Variants in VKORC1 observed in about 807,000 individuals in gnomAD.
VKORC1 encodes phylloquinone epoxide reductase.
VKORC1 carries 12 observed loss-of-function variants against 14.8 expected under a neutral mutation model. That is an observed-to-expected ratio of 0.81 (90% confidence interval 0.52 to 1.31). VKORC1 has a LOEUF of 1.31. Ranked by LOEUF, VKORC1 falls within the 50% of genes most tolerant of loss-of-function variation. The pLI, the probability that VKORC1 is intolerant of heterozygous loss-of-function variation, is 0.00. For missense variants in VKORC1, 223 were observed against 215.3 expected (o/e 1.04, Z -0.22); for synonymous variants, 94 against 92.5 (o/e 1.02, Z -0.09).
intron 2 of VKORC1, among the ~76,000 whole-genome samples, chr16:31,092,256 T>G (rs1433476253): frequency 6.7e-6 from 1 of 148,464 alleles, no homozygotes; most frequent in African/African-American, 2.5e-5. Flanking sequence ...GGAGGATCGC[T>G]TGAGCCAGGT....
At position 31,091,886 on chromosome 16, in the gene VKORC1, C is replaced by CA. The variant is rs200164143; in HGVS notation, c.284-545dup. ...GGGCAGCAAGAGCAAGACTTCGTCT[C>CA]AAAAAAAAAATGCCCGGTGAGGTTG... On this transcript the variant is annotated intron_variant, in intron 2 of 2. Coordinates refer to ENST00000394975, the MANE Select transcript of VKORC1 (RefSeq NM_024006.6). Among the ~76,000 whole-genome samples, 565 of 145,980 alleles carry CA rather than the reference C, an allele frequency of 3.9e-3. 3 individuals are homozygous for CA. Among genetic ancestry groups the CA allele is most frequent in the African/African-American group, 0.013 (507 of 39,836 alleles).
intron 1 of VKORC1, chr16:31,094,299 T>G: frequency 6.2e-7 from 1 of 1,612,918 alleles, no homozygotes; most frequent in Non-Finnish European, 8.5e-7. Flanking sequence ...CCTTTCCTGG[T>G]CACCGTTATT....
intron 2 of VKORC1, among the ~76,000 whole-genome samples, chr16:31,091,947 A>G (rs1280572643): frequency 6.6e-6 from 1 of 152,126 alleles, no homozygotes; most frequent in African/African-American, 2.4e-5. Flanking sequence ...TGGGAGGCCA[A>G]GGCGGATGGA....
chr16:31,094,033 G>A, intron 1 of VKORC1: 1 of 989,470 alleles, frequency 1.0e-6, no homozygotes, highest in Non-Finnish European at 1.5e-6. Flanking sequence ...GGCAAGGCTG[G>A]TATAACGGTT....
At chr16:31,092,735 G>C (rs757369199) in intron 2 of VKORC1, 1 of 1,274,638 alleles carries the variant, frequency 7.8e-7, no homozygotes, top group Non-Finnish European at 1.0e-6. Flanking sequence ...AAGGAATTTC[G>C]GCATCTTTTC....
At chr16:31,093,882 T>C (rs969245528) in intron 1 of VKORC1, 2 of 298,826 alleles carry the variant, frequency 6.7e-6, no homozygotes, top group Non-Finnish European at 1.3e-5. Context: ...AATTTTTCTA[T>C]TTTTGGTAGA....
chr16:31,094,776 G>A lies in VKORC1; in HGVS notation c.-47C>T. On this transcript the variant is annotated 5_prime_UTR_variant, in exon 1 of 3. Coordinates refer to ENST00000394975, the MANE Select transcript of VKORC1 (RefSeq NM_024006.6). Reference sequence around the variant, plus strand: ...GCGCCCGCGGAGAAAACCAGCCACGGAGCAGGGGCCGGGCGGCGAATGGCC... The same window carrying A: ...GCGCCCGCGGAGAAAACCAGCCACGAAGCAGGGGCCGGGCGGCGAATGGCC... The A allele has an allele frequency of 1.3e-6, 2 of 1,558,476 alleles. No homozygotes were observed. Among genetic ancestry groups the A allele is most frequent in the Non-Finnish European group, 1.7e-6 (2 of 1,156,932 alleles).
At chr16:31,093,170 C>A in intron 2 of VKORC1, 142 bp downstream of exon 2, 1 of 882,402 alleles carries the variant, frequency 1.1e-6, no homozygotes, top group South Asian at 1.6e-5. Flanking sequence ...TCCCCACATC[C>A]CCACCCGCAG....
At chr16:31,094,311 C>T (rs746107668) in intron 1 of VKORC1, 3 of 1,612,942 alleles carry the variant, frequency 1.9e-6, no homozygotes, top group Admixed American at 3.3e-5. Flanking sequence ...ACCGTTATTC[C>T]TTGGCATCCA....
chr16:31,091,091 C>A lies in VKORC1; in HGVS notation c.*43G>T. Reference sequence around the variant, plus strand: ...TGCCCCCTTAGGCAAGGCTCACATGCCAAAGCAAAGCAGATGAGGTCAGCC... The same window carrying A: ...TGCCCCCTTAGGCAAGGCTCACATGACAAAGCAAAGCAGATGAGGTCAGCC... On this transcript the variant is annotated 3_prime_UTR_variant, in exon 3 of 3. Transcript: ENST00000394975. 6.2e-7 allele frequency: 1 copy of A among 1,609,514 alleles called. No homozygotes were observed. The highest frequency in any genetic ancestry group is 2.2e-5 in the East Asian group (1 of 44,848).
intron 2 of VKORC1, among the ~76,000 whole-genome samples, chr16:31,092,174 CGCAAAA>C (rs1285582759): frequency 4.5e-5 from 3 of 66,932 alleles, no homozygotes; most frequent in African/African-American, 2.2e-4. Flanking sequence ...GAGACTATGT[CGCAAAA>C]AAAAAAAAAA....
intron 2 of VKORC1, among the ~76,000 whole-genome samples, chr16:31,092,514 T>C (rs1438430955): frequency 6.6e-6 from 1 of 151,978 alleles, no homozygotes; most frequent in Non-Finnish European, 1.5e-5. Flanking sequence ...TCTCTGGAGC[T>C]GGGAAGGGTG....
Position 31,091,273 on chromosome 16 carries a change from A to G in VKORC1, c.353T>C (p.Val118Ala). ...LSSLVSLAGS[V>A]YLAWILFFVL... ...GAAGAACAGGATCCAGGCCAGGTAG[A>G]CAGAACCAGCGAGAGACACCAGGGA... The change falls in exon 3 of 3, where the codon GTC becomes GCC. Residue 118 changes from valine to alanine, a missense_variant. By Grantham distance (64) the Val-to-Ala change is moderately conservative (BLOSUM62 0). Coordinates refer to ENST00000394975, the MANE Select transcript of VKORC1 (RefSeq NM_024006.6). The G allele has an allele frequency of 6.2e-7, 1 of 1,614,166 alleles. No individual in the cohort carries two copies. Among genetic ancestry groups the G allele is most frequent in the Non-Finnish European group, 8.5e-7 (1 of 1,180,046 alleles).
In VKORC1 at chr16:31,091,333, C is replaced by T. The variant is rs1327005578; in HGVS notation, c.293G>A (p.Arg98Gln). 17 of 1,613,402 alleles carry T rather than the reference C, an allele frequency of 1.1e-5. No individual in the cohort carries two copies. Among genetic ancestry groups the T allele is most frequent in the Admixed American group, 3.3e-5 (2 of 59,894 alleles). ...YTLQLLLGCL[R>Q]TRWASVLMLL... ...CATCAGGACAGAGGCCCAGCGTGTC[C>T]GCAGGCAACCTGCAAGGCAGAAGAG... The change falls in exon 3 of 3, where the codon CGG (arginine) becomes CAG (glutamine). Residue 98 changes from arginine (R) to glutamine (Q), a missense_variant. Physicochemically the swap from Arg to Gln is conservative, Grantham distance 43. Transcript: ENST00000394975.
intron 1 of VKORC1, 88 bp downstream of exon 1, chr16:31,094,469 G>T (rs141158294): frequency 6.2e-7 from 1 of 1,612,692 alleles, no homozygotes; most frequent in East Asian, 2.2e-5. Context: ...TCCGTTCCCC[G>T]GGCACACCGA....
At chr16:31,092,818 C>T (rs1285548769) in intron 2 of VKORC1, 1 of 1,236,220 alleles carries the variant, frequency 8.1e-7, no homozygotes, top group Non-Finnish European at 1.1e-6. Context: ...GAGGCTGAGG[C>T]AGACAGATTG....
chr16:31,091,437 G>C (rs2057289638), intron 2 of VKORC1, 95 bp from the exon 3 acceptor site: 2 of 1,542,520 alleles, frequency 1.3e-6, no homozygotes, highest in Non-Finnish European at 1.7e-6. Context: ...GCCAGGAGCT[G>C]CTGGGAAGGG....
rs755767348 is a variant in VKORC1 at position 31,093,366 on chromosome 16, T to A, written c.229A>T (p.Asn77Tyr). 3 of 1,614,156 alleles carry A rather than the reference T, an allele frequency of 1.9e-6. No homozygotes were observed. In the Admixed American group the frequency reaches 5.0e-5, roughly 27 times the overall value. The change falls in exon 2 of 3, where the codon AAT becomes TAT. Residue 77 changes from asparagine (N) to tyrosine (Y), a missense_variant. Transcript: ENST00000394975. ...EHVLGQDSIL[N>Y]QSNSIFGCIF... ...CAACCGAATATGCTGTTGGATTGATTGAGGATGCTGTCCTGTCCCAGCACA... is the reference window on the plus strand; with the variant it reads ...CAACCGAATATGCTGTTGGATTGATAGAGGATGCTGTCCTGTCCCAGCACA...
In VKORC1 at chr16:31,094,597, C is replaced by G; in HGVS notation, c.133G>C (p.Val45Leu). The G allele has an allele frequency of 6.2e-7, 1 of 1,609,110 alleles. No individual in the cohort carries two copies. The highest frequency in any genetic ancestry group is 1.3e-5 in the African/African-American group (1 of 75,006). The change falls in exon 1 of 3, where the codon GTG becomes CTG. Residue 45 changes from valine to leucine, a missense_variant. By Grantham distance (32) the Val-to-Leu change is conservative. Transcript: ENST00000394975. ...RDRDYRALCD[V>L]GTAISCSRVF... is the part of the protein sequence containing the mutation. ...CGCGAACAGCTGATGGCGGTGCCCA[C>G]GTCGCAGAGCGCGCGGTAATCCCGG...
Sources: allele counts gnomAD v4.1 joint callset (sites outside exome capture counted in the v4.1 genomes callset), GRCh38; gene constraint gnomAD v4.1.1; transcripts MANE v1.5; gene names NCBI Gene and HGNC (gene_info 2026-07-23, HGNC 2026-07-21).